Variants in SNN observed in about 807,000 individuals in gnomAD.
The protein encoded by SNN is stannin, also known as AG8_1.
In SNN, 5 loss-of-function variants were observed where a neutral mutation model predicts 5.3. The ratio of observed to expected loss-of-function variants is 0.94; its 90% CI spans 0.49 to 1.97. SNN has a LOEUF of 1.97. SNN is among the 30% of genes most tolerant of loss of function. SNN has a pLI of 0.01. For missense variants in SNN, 127 were observed against 121.6 expected (o/e 1.04, Z -0.21); for synonymous variants, 67 against 52.1 (o/e 1.29, Z -1.24).
At chr16:11,669,191 C>T (rs2050249391) in intron 1 of SNN, among the ~76,000 whole-genome samples, 1 of 152,168 alleles carries the variant, frequency 6.6e-6, no homozygotes, top group African/African-American at 2.4e-5. Flanking sequence ...GGGGGAGACG[C>T]CGGCGCCGCC....
At chr16:11,674,019 C>G (rs1413539014) in intron 1 of SNN, among the ~76,000 whole-genome samples, 1 of 152,248 alleles carries the variant, frequency 6.6e-6, no homozygotes, top group Non-Finnish European at 1.5e-5. Flanking sequence ...GGGGCGTTGA[C>G]TTAGCTGCCT....
chr16:11,675,981 C>T lies in SNN; in HGVS notation c.-79C>T, dbSNP rs374415490. 2.1e-5 allele frequency: 31 copies of T among 1,462,412 alleles called. No individual in the cohort carries two copies. The South Asian group carries it at 2.7e-4, about 13-fold the overall frequency. 90.6% of individuals were successfully genotyped at this position (1,462,412 alleles called of 1,614,324 possible). A position where few individuals can be genotyped will look rare whatever the true frequency, so the allele number is the denominator to read the frequency against. ...AACCTGCTTTGTCTTTCAGGACTCC[C>T]GTGTCCAGCCTGAGTTCCAGCCTCA... is the stretch of plus-strand genomic sequence containing the variant. On this transcript the variant is annotated 5_prime_UTR_variant, in exon 2 of 2. Coordinates refer to ENST00000329565, the MANE Select transcript of SNN (RefSeq NM_003498.6).
rs8191274 is a variant in SNN, at chr16:11,669,258, C to T, written c.-86+718C>T. ...GCGCCTGGCACCGCGCCTGCCACGC[C>T]GCCCGCGCTCAGCACTCGGGAGCCG... On this transcript the variant is annotated intron_variant, in intron 1 of 1. Transcript: ENST00000329565. Among the ~76,000 whole-genome samples, 1,454 of 152,294 alleles carry T rather than the reference C, an allele frequency of 9.5e-3. 28 individuals are homozygous for T. Among genetic ancestry groups the T allele is most frequent in the African/African-American group, 0.033 (1,365 of 41,562 alleles).
intron 1 of SNN, among the ~76,000 whole-genome samples, 192 bp from the exon 2 acceptor site, chr16:11,675,783 C>T (rs2050298548): frequency 6.6e-6 from 1 of 152,240 alleles, no homozygotes; most frequent in Non-Finnish European, 1.5e-5. Context: ...ACTCACCTGC[C>T]TGGTACAGCA....
intron 1 of SNN, among the ~76,000 whole-genome samples, chr16:11,673,909 C>T (rs1780248236): frequency 1.3e-5 from 2 of 152,212 alleles, no homozygotes; most frequent in Non-Finnish European, 2.9e-5. Flanking sequence ...CTCCTGGAGT[C>T]AGGGGGAAGG....
chr16:11,674,294 C>T (rs1436365113), intron 1 of SNN, among the ~76,000 whole-genome samples: 1 of 152,194 alleles, frequency 6.6e-6, no homozygotes, highest in Admixed American at 6.5e-5. Context: ...ACCCCGGGTG[C>T]AGCCAGCGTT....
At chr16:11,669,897 G>T (rs1231855797) in intron 1 of SNN, among the ~76,000 whole-genome samples, 1 of 152,136 alleles carries the variant, frequency 6.6e-6, no homozygotes, top group Non-Finnish European at 1.5e-5. Context: ...GGATGGGGGT[G>T]TCATGGGTGG....
chr16:11,672,367 C>A lies in SNN; in HGVS notation c.-85-3608C>A, dbSNP rs1337798321. ...TAGTGGTGGGGTGTGGGAGGAGGGG[C>A]GCCTGGGTCCAGGGTGGTCTGGGAG... On this transcript the variant is annotated intron_variant, in intron 1 of 1. Coordinates refer to ENST00000329565, the MANE Select transcript of SNN (RefSeq NM_003498.6). This position sits in a 1 kb window ranked among gnomAD's most constrained non-coding sequence, Gnocchi z 6.0. Among the ~76,000 whole-genome samples the A allele has an allele frequency of 3.3e-5, 5 of 151,992 alleles. No homozygotes were observed. Among genetic ancestry groups the A allele is most frequent in the Non-Finnish European group, 7.4e-5 (5 of 67,966 alleles).
rs2050245588 is a variant in SNN at position 11,668,813 on chromosome 16, C to G, written c.-86+273C>G. On this transcript the variant is annotated intron_variant, in intron 1 of 1. Coordinates refer to ENST00000329565, the MANE Select transcript of SNN (RefSeq NM_003498.6). This position sits in a 1 kb window ranked among gnomAD's most constrained non-coding sequence, Gnocchi z 6.8. ...GGCGGAGGCCGCTTTGTGGGGATCGCGGGGCGCTCGCCCCCGCCCGTGCAG... is the reference window on the plus strand; with the variant it reads ...GGCGGAGGCCGCTTTGTGGGGATCGGGGGGCGCTCGCCCCCGCCCGTGCAG... 6.6e-6 allele frequency among the ~76,000 whole-genome samples: 1 copy of G among 151,344 alleles called. No homozygotes were observed. Among genetic ancestry groups the G allele is most frequent in the South Asian group, 2.1e-4 (1 of 4,812 alleles).
In SNN at chr16:11,677,091, CAGCGTCCTTGT is replaced by C. The variant is rs2050309864; in HGVS notation, c.*769_*779del. The C allele has an allele frequency of 6.0e-6, 1 of 167,086 alleles. No individual in the cohort carries two copies. 10.4% of individuals were successfully genotyped at this position (167,086 alleles called of 1,614,324 possible). A position where few individuals can be genotyped will look rare whatever the true frequency, so the allele number is the denominator to read the frequency against. ...TCAGGGCACGCGTCCTGGAGGCTGC[CAGCGTCCTTGT>C]AGCAGAGCAGTTTCTTGCCGCTTGG... On this transcript the variant is annotated 3_prime_UTR_variant, in exon 2 of 2. Transcript: ENST00000329565. The surrounding 1 kb of genome is among the most constrained non-coding windows in gnomAD (Gnocchi z 4.2).
intron 1 of SNN, among the ~76,000 whole-genome samples, chr16:11,674,103 T>C (rs1273996395): frequency 6.6e-6 from 1 of 152,198 alleles, no homozygotes; most frequent in African/African-American, 2.4e-5. Context: ...AAGGGTGCTG[T>C]TCCTCAAGGA....
chr16:11,669,373 C>T (rs985122639), intron 1 of SNN, among the ~76,000 whole-genome samples: 1 of 152,238 alleles, frequency 6.6e-6, no homozygotes, highest in African/African-American at 2.4e-5. Flanking sequence ...CACCTGTCCG[C>T]GGCCCCTCAG....
rs138703172 is a variant in SNN at position 11,669,046 on chromosome 16, C to A, written c.-86+506C>A. Among the ~76,000 whole-genome samples the A allele has an allele frequency of 3.2e-3, 480 of 152,284 alleles. 2 individuals carry two copies. Among genetic ancestry groups the A allele is most frequent in the Middle Eastern group, 6.8e-3 (2 of 292 alleles). Reference sequence around the variant, plus strand: ...GCGCGGCGTGGGCATGCCTAGCTCCCCTGGTCCCCGTCCCACACCCCGCCT... The same window carrying A: ...GCGCGGCGTGGGCATGCCTAGCTCCACTGGTCCCCGTCCCACACCCCGCCT... On this transcript the variant is annotated intron_variant, in intron 1 of 1. Coordinates refer to ENST00000329565, the MANE Select transcript of SNN (RefSeq NM_003498.6).
chr16:11,672,892 C>T lies in SNN; in HGVS notation c.-85-3083C>T, dbSNP rs893650501. Among the ~76,000 whole-genome samples the T allele has an allele frequency of 6.6e-6, 1 of 152,168 alleles. No individual in the cohort carries two copies. Among genetic ancestry groups the T allele is most frequent in the Non-Finnish European group, 1.5e-5 (1 of 68,020 alleles). ...TGAACTCAGGTGCCTCCTGGCCTGCCCACCTGGCTTTGCCCCGCCTATCCC... is the reference window on the plus strand; with the variant it reads ...TGAACTCAGGTGCCTCCTGGCCTGCTCACCTGGCTTTGCCCCGCCTATCCC... On this transcript the variant is annotated intron_variant, in intron 1 of 1. Coordinates refer to ENST00000329565, the MANE Select transcript of SNN (RefSeq NM_003498.6). This position sits in a 1 kb window ranked among gnomAD's most constrained non-coding sequence, Gnocchi z 6.0.
At chr16:11,669,305 G>A (rs1391802636) in intron 1 of SNN, among the ~76,000 whole-genome samples, 5 of 152,204 alleles carry the variant, frequency 3.3e-5, no homozygotes, top group Non-Finnish European at 4.4e-5. Context: ...TCACCCCTAA[G>A]TCCCCAGCAC....
chr16:11,671,956 G>A lies in SNN; in HGVS notation c.-86+3416G>A, dbSNP rs1039898560. Among the ~76,000 whole-genome samples the A allele has an allele frequency of 1.1e-4, 17 of 152,312 alleles. No individual in the cohort carries two copies. Among genetic ancestry groups the A allele is most frequent in the African/African-American group, 4.1e-4 (17 of 41,568 alleles). ...CTGCCCTAATCCACTGGCACTCGCC[G>A]TTCTGTCCCCACACTAGGCCTGCAG... is the stretch of plus-strand genomic sequence containing the variant. On this transcript the variant is annotated intron_variant, in intron 1 of 1. Transcript: ENST00000329565. The surrounding 1 kb of genome is among the most constrained non-coding windows in gnomAD (Gnocchi z 4.7).
chr16:11,676,107 C>T lies in SNN; in HGVS notation c.48C>T (p.Ile16=), dbSNP rs1050069. The T allele has an allele frequency of 0.44, 709,714 of 1,613,254 alleles. 164,954 individuals are homozygous for T. Among genetic ancestry groups the T allele is most frequent in the Non-Finnish European group, 0.48 (569,796 of 1,179,422 alleles). ...HSPTTGVVTV[I]VILIAIAALG... The stretch of plus-strand genomic sequence containing the variant: ...CCACCACGGGCGTGGTCACAGTCAT[C>T]GTCATCCTCATTGCCATCGCGGCCC... Residue 16 remains isoleucine, a synonymous_variant, in exon 2 of 2, where the codon ATC becomes ATT. Coordinates refer to ENST00000329565, the MANE Select transcript of SNN (RefSeq NM_003498.6).
Position 11,671,856 on chromosome 16 carries a change from G to C in SNN, c.-86+3316G>C, listed in dbSNP as rs2050268099. ...CCCTCCGCGCTTTGAGTTTCCCGGG[G>C]CTCTGCTTGGCCACCCCCTTCCCTC... On this transcript the variant is annotated intron_variant, in intron 1 of 1. Transcript: ENST00000329565. This position sits in a 1 kb window ranked among gnomAD's most constrained non-coding sequence, Gnocchi z 4.7. Among the ~76,000 whole-genome samples the C allele has an allele frequency of 6.6e-6, 1 of 152,144 alleles. No individual in the cohort carries two copies. Among genetic ancestry groups the C allele is most frequent in the Admixed American group, 6.5e-5 (1 of 15,274 alleles).
In SNN at chr16:11,668,579, G is replaced by A. The variant is rs867445856; in HGVS notation, c.-86+39G>A. The A allele has an allele frequency of 0.041, 6,005 of 144,974 alleles. 214 individuals carry two copies. The highest frequency in any genetic ancestry group is 0.088 in the South Asian group (466 of 5,320). 9.0% of individuals were successfully genotyped at this position (144,974 alleles called of 1,614,324 possible). On this transcript the variant is annotated intron_variant, in intron 1 of 1. Transcript: ENST00000329565. This position sits in a 1 kb window ranked among gnomAD's most constrained non-coding sequence, Gnocchi z 6.8. ...GGCAGGCCGCGCGCTCGGGCCGGGC[G>A]GGGGCGCCGGGGCCCGGGGGCGGGA...
Sources: allele counts gnomAD v4.1 joint callset (sites outside exome capture counted in the v4.1 genomes callset), GRCh38; gene constraint gnomAD v4.1.1; non-coding constraint Gnocchi (gnomAD v3.1); transcripts MANE v1.5; gene names NCBI Gene and HGNC (gene_info 2026-07-23, HGNC 2026-07-21).